The following CAMKK2 variants were observed in gnomAD, a reference collection of about 807,000 sequenced individuals.
CAMKK2 encodes calcium/calmodulin dependent protein kinase kinase 2, also known as calcium/calmodulin-dependent protein kinase kinase 2.
Under a neutral mutation model 67.2 loss-of-function variants are expected in CAMKK2, and 30 were observed. That is an observed-to-expected ratio of 0.45 (90% CI 0.33 to 0.61). The LOEUF (loss-of-function observed/expected upper bound fraction) is 0.61, where lower values mean the gene tolerates loss of function less well. Ranked by LOEUF, CAMKK2 falls within the 20% of genes least tolerant of loss-of-function variation. CAMKK2 has a pLI of 0.02. For missense variants in CAMKK2, 643 were observed against 802.0 expected, an observed-to-expected ratio of 0.80 and a Z score of 2.39; for synonymous variants, 322 against 326.2, an observed-to-expected ratio of 0.99 and a Z score of 0.14.
chr12:121,240,335 G>T lies in CAMKK2; in HGVS notation c.*364C>A. 8.6e-7 allele frequency: 1 copy of T among 1,158,810 alleles called. No individual in the cohort carries two copies. The highest frequency in any genetic ancestry group is 1.2e-6 in the Non-Finnish European group (1 of 836,890). The allele number at this position is 1,158,810 out of a possible 1,614,324, so 71.8% of individuals were successfully genotyped here. ...GGAGTTTTCTGCTCGCCTTTCCACA[G>T]TTGTCAAACCCCACACACAGTCACT... On this transcript the variant is annotated 3_prime_UTR_variant, in exon 17 of 17. Coordinates refer to ENST00000404169, the MANE Select transcript of CAMKK2 (RefSeq NM_001270485.2). This position sits in a 1 kb window ranked among gnomAD's most constrained non-coding sequence, Gnocchi z 4.4.
chr12:121,243,854 G>A (rs201170250), intron 16 of CAMKK2: 2 of 1,338,782 alleles, frequency 1.5e-6, no homozygotes, highest in Non-Finnish European at 1.9e-6. Flanking sequence ...AGAAGTGACT[G>A]CCTGGAGCTC....
At chr12:121,293,424 G>A (rs187713006) in intron 1 of CAMKK2, among the ~76,000 whole-genome samples, 17 of 152,176 alleles carry the variant, frequency 1.1e-4, no homozygotes, top group Non-Finnish European at 1.6e-4. Flanking sequence ...ATGCTGGGGC[G>A]GGAAGAAGAT....
At chr12:121,289,062 C>G (rs1203084758) in intron 1 of CAMKK2, among the ~76,000 whole-genome samples, 1 of 152,084 alleles carries the variant, frequency 6.6e-6, no homozygotes, top group African/African-American at 2.4e-5. Context: ...TCACCAGCAC[C>G]AATCCCCCCA....
chr12:121,265,835 T>C (rs1460105754), intron 5 of CAMKK2, among the ~76,000 whole-genome samples: 1 of 150,960 alleles, frequency 6.6e-6, no homozygotes, highest in African/African-American at 2.4e-5. Flanking sequence ...TCCAGCCTGG[T>C]GACAGAGTGA....
Position 121,240,360 on chromosome 12 carries a change from T to C in CAMKK2, c.*339A>G. On this transcript the variant is annotated 3_prime_UTR_variant, in exon 17 of 17. Transcript: ENST00000404169. This position sits in a 1 kb window ranked among gnomAD's most constrained non-coding sequence, Gnocchi z 4.4. Reference sequence around the variant, plus strand: ...GTTGTCAAACCCCACACACAGTCACTTGGTATATCTGACGTGGTTCTGAAA... The same window carrying C: ...GTTGTCAAACCCCACACACAGTCACCTGGTATATCTGACGTGGTTCTGAAA... The C allele has an allele frequency of 1.5e-6, 2 of 1,324,036 alleles. No individual in the cohort carries two copies. Among genetic ancestry groups the C allele is most frequent in the East Asian group, 2.5e-5 (1 of 39,828 alleles). The allele number at this position is 1,324,036 out of a possible 1,614,324, so 82.0% of individuals were successfully genotyped here. A position where few individuals can be genotyped will look rare whatever the true frequency, so the allele number is the denominator to read the frequency against.
chr12:121,292,211 C>T (rs989146727), intron 1 of CAMKK2, among the ~76,000 whole-genome samples: 7 of 151,694 alleles, frequency 4.6e-5, no homozygotes, highest in African/African-American at 1.7e-4. Flanking sequence ...ATGCAACATC[C>T]ACCTCCCGGG....
chr12:121,241,091 A>G (rs576575262), intron 16 of CAMKK2, among the ~76,000 whole-genome samples: 3 of 152,326 alleles, frequency 2.0e-5, no homozygotes, highest in East Asian at 3.9e-4. Context: ...ATGAAAGACC[A>G]GCATCATTTG....
intron 2 of CAMKK2, among the ~76,000 whole-genome samples, chr12:121,271,860 A>G (rs1283669585): frequency 6.6e-6 from 1 of 152,156 alleles, no homozygotes; most frequent in East Asian, 1.9e-4. Context: ...GGCACCCACC[A>G]CCACGCCCAG....
chr12:121,263,457 T>C (rs984465497), intron 6 of CAMKK2, among the ~76,000 whole-genome samples: 1 of 152,212 alleles, frequency 6.6e-6, no homozygotes, highest in Non-Finnish European at 1.5e-5. Context: ...GCCATTTGTT[T>C]ACATCATGTG....
Position 121,274,481 on chromosome 12 carries a change from G to A in CAMKK2, c.46C>T (p.Pro16Ser), listed in dbSNP as rs757852554. Residue 16 changes from proline (P) to serine (S), a missense_variant, in exon 2 of 17, where the codon CCC becomes TCC. By Grantham distance (74) the Pro-to-Ser change is moderately conservative. Around this residue, in one of 3 missense-constraint regions of CAMKK2, gnomAD observed 483 missense variants for 625.8 expected, o/e 0.77. Transcript: ENST00000404169. ...CCCCTGCCCCCCAGCTCATCCTGGG[G>A]GGCGGCCCGGTTGCTGCTGGGCTGG... ...SSQPSSNRAA[P>S]QDELGGRGSS... The A allele has an allele frequency of 3.1e-6, 5 of 1,612,580 alleles. No individual in the cohort carries two copies. The highest frequency in any genetic ancestry group is 4.5e-5 in the East Asian group (2 of 44,872).
chr12:121,241,524 C>T (rs1283401611), intron 16 of CAMKK2, among the ~76,000 whole-genome samples: 1 of 152,232 alleles, frequency 6.6e-6, no homozygotes, highest in Non-Finnish European at 1.5e-5. Context: ...CTGGAGCCGC[C>T]GGTGTGACAG....
rs1893189572 is a variant in CAMKK2 at position 121,260,313 on chromosome 12, C to T, written c.796+6G>A. The T allele has an allele frequency of 6.2e-7, 1 of 1,604,008 alleles. No individual in the cohort carries two copies. Among genetic ancestry groups the T allele is most frequent in the Non-Finnish European group, 8.5e-7 (1 of 1,176,576 alleles). The stretch of plus-strand genomic sequence containing the variant: ...TGAGGGTGGCAGAAGAAAAGGGCTT[C>T]CTTACCCATGTACAGATGGTCCTCA... On this transcript the variant is annotated splice_donor_region_variant and intron_variant, in intron 7 of 16. Transcript: ENST00000404169.
At chr12:121,260,449 C>T in intron 6 of CAMKK2, 94 bp from the exon 7 acceptor site, 1 of 1,147,794 alleles carries the variant, frequency 8.7e-7, no homozygotes, top group Non-Finnish European at 1.3e-6. Context: ...ATCCACGTGG[C>T]TGCGTTTGCC....
At position 121,245,538 on chromosome 12, in the gene CAMKK2, C is replaced by T. The variant is rs1175044688; in HGVS notation, c.1453-298G>A. On this transcript the variant is annotated intron_variant, in intron 14 of 16. Coordinates refer to ENST00000404169, the MANE Select transcript of CAMKK2 (RefSeq NM_001270485.2). The surrounding 1 kb of genome is among the most constrained non-coding windows in gnomAD (Gnocchi z 5.8). Reference sequence around the variant, plus strand: ...TCCCTTCCAAAACCCAGATCTGGTCCCCTCACTCCCTGACTCAGCATCCCC... The same window carrying T: ...TCCCTTCCAAAACCCAGATCTGGTCTCCTCACTCCCTGACTCAGCATCCCC... 6.6e-6 allele frequency among the ~76,000 whole-genome samples: 1 copy of T among 152,214 alleles called. No individual in the cohort carries two copies. Among genetic ancestry groups the T allele is most frequent in the Non-Finnish European group, 1.5e-5 (1 of 68,046 alleles).
rs1889161065 is a variant in CAMKK2 at position 121,245,091 on chromosome 12, T to C, written c.1553+49A>G. ...GGTCTGGGCAGGGCTGCCCCAAGCC[T>C]AGCCTCCAGCCACCACTCCCCCACC... On this transcript the variant is annotated intron_variant, in intron 15 of 16. Coordinates refer to ENST00000404169, the MANE Select transcript of CAMKK2 (RefSeq NM_001270485.2). This position sits in a 1 kb window ranked among gnomAD's most constrained non-coding sequence, Gnocchi z 5.8. 1 of 1,326,990 alleles carries C rather than the reference T, an allele frequency of 7.5e-7. No homozygotes were observed. Among genetic ancestry groups the C allele is most frequent in the East Asian group, 2.5e-5 (1 of 40,240 alleles). The allele number at this position is 1,326,990 out of a possible 1,614,324, so 82.2% of individuals were successfully genotyped here. A position where few individuals can be genotyped will look rare whatever the true frequency, so the allele number is the denominator to read the frequency against.
chr12:121,281,724 G>T (rs1333566323), intron 1 of CAMKK2, among the ~76,000 whole-genome samples: 5 of 152,202 alleles, frequency 3.3e-5, no homozygotes, highest in Non-Finnish European at 7.3e-5. Flanking sequence ...GAGACGGGTG[G>T]ATCACCTGAG....
intron 1 of CAMKK2, among the ~76,000 whole-genome samples, chr12:121,280,630 G>A (rs951551159): frequency 1.3e-5 from 2 of 152,208 alleles, no homozygotes; most frequent in African/African-American, 4.8e-5. Flanking sequence ...CCCTGAGAAA[G>A]AGAATGCGTA....
At chr12:121,258,085 C>T (rs1367371393) in intron 7 of CAMKK2, among the ~76,000 whole-genome samples, 1 of 148,980 alleles carries the variant, frequency 6.7e-6, no homozygotes, top group African/African-American at 2.5e-5. Flanking sequence ...AGTGCAATGG[C>T]ACGATCTCGG....
rs202226737 is a variant in CAMKK2 at position 121,274,172 on chromosome 12, C to T, written c.355G>A (p.Gly119Arg). ...GGCAGGGACGGGCAGATGCAGCGTC[C>T]GTTCATGTCCAGGCTGCCACCGGCT... Reference protein sequence around the residue: ...LAAGGSLDMNGRCICPSLPYS... With the variant: ...LAAGGSLDMNRRCICPSLPYS... The change falls in exon 2 of 17, where the codon GGA becomes AGA. Residue 119 changes from glycine (G) to arginine (R), a missense_variant. Gly to Arg is a moderately radical substitution (Grantham distance 125). This residue lies in a region of CAMKK2 where 483 missense variants were observed against 625.8 expected (regional missense o/e 0.77). Coordinates refer to ENST00000404169, the MANE Select transcript of CAMKK2 (RefSeq NM_001270485.2). The T allele has an allele frequency of 3.9e-4, 617 of 1,597,970 alleles. 1 individual carries two copies. Among genetic ancestry groups the T allele is most frequent in the Non-Finnish European group, 4.1e-4 (485 of 1,170,404 alleles).
Sources: gnomAD v4.1 joint callset for allele counts (sites outside exome capture counted in the v4.1 genomes callset) on GRCh38, gnomAD v4.1.1 for gene constraint, gnomAD v4.1.1 regional missense constraint, Gnocchi (gnomAD v3.1) non-coding constraint, MANE v1.5 for transcripts, NCBI Gene and HGNC (gene_info 2026-07-23, HGNC 2026-07-21) for gene names.